The following SLC24A3 variants were observed in gnomAD, a reference collection of about 807,000 sequenced individuals.
SLC24A3 encodes solute carrier family 24 member 3, also known as sodium/potassium/calcium exchanger 3.
A neutral mutation model predicts 75.8 loss-of-function variants in SLC24A3; 28 were observed. The observed-to-expected ratio is 0.37, with a 90% CI of 0.27 to 0.51. SLC24A3 has a LOEUF of 0.51. Among genes scored for constraint, SLC24A3 ranks in the 20% least tolerant of loss-of-function variants. SLC24A3 has a pLI of 0.94. For synonymous variants in SLC24A3, 372 were observed against 334.1 expected (o/e 1.11, Z -1.24); for missense variants, 663 against 847.8 (o/e 0.78, Z 2.71).
chr20:19,537,212 C>G (rs991669717), intron 3 of SLC24A3, among the ~76,000 whole-genome samples: 1 of 150,636 alleles, frequency 6.6e-6, no homozygotes, highest in South Asian at 2.1e-4. Context: ...AAAAAGTGGG[C>G]GAAGGATATG....
At chr20:19,491,246 G>C (rs1988205249) in intron 2 of SLC24A3, among the ~76,000 whole-genome samples, 2 of 152,152 alleles carry the variant, frequency 1.3e-5, no homozygotes, top group Non-Finnish European at 2.9e-5. Flanking sequence ...ACCCCTCCCT[G>C]TCCTCTGAAT....
chr20:19,318,570 T>C (rs1324674543), intron 2 of SLC24A3, among the ~76,000 whole-genome samples: 1 of 152,158 alleles, frequency 6.6e-6, no homozygotes, highest in African/African-American at 2.4e-5. Flanking sequence ...TTACCAGATA[T>C]GAAATCAAGA....
At chr20:19,292,947 A>G (rs531817621) in intron 2 of SLC24A3, among the ~76,000 whole-genome samples, 2 of 152,160 alleles carry the variant, frequency 1.3e-5, no homozygotes, top group Non-Finnish European at 2.9e-5. Flanking sequence ...AGTCTCTTTT[A>G]TAGATTTAGT....
chr20:19,687,009 C>T (rs537996323), intron 12 of SLC24A3, among the ~76,000 whole-genome samples: 1 of 152,222 alleles, frequency 6.6e-6, no homozygotes, highest in African/African-American at 2.4e-5. Context: ...GTAAACCCTT[C>T]CATTCATTTT....
At chr20:19,633,008 G>A (rs1335291498) in intron 6 of SLC24A3, among the ~76,000 whole-genome samples, 1 of 152,158 alleles carries the variant, frequency 6.6e-6, no homozygotes, top group Non-Finnish European at 1.5e-5. Context: ...TAAAATGCAT[G>A]TAAGCATGGA....
At chr20:19,563,164 G>A (rs947835151) in intron 3 of SLC24A3, among the ~76,000 whole-genome samples, 5 of 152,272 alleles carry the variant, frequency 3.3e-5, no homozygotes, top group South Asian at 2.1e-4. Context: ...CCCTCTACCT[G>A]AAGGATCTTT....
chr20:19,325,477 A>G (rs1984817586), intron 2 of SLC24A3, among the ~76,000 whole-genome samples: 1 of 151,330 alleles, frequency 6.6e-6, no homozygotes, highest in East Asian at 2.0e-4. Context: ...AAGAAAGGGA[A>G]TCCAGACCAC....
At chr20:19,533,273 TTCTC>T (rs1367769175) in intron 3 of SLC24A3, among the ~76,000 whole-genome samples, 1 of 152,156 alleles carries the variant, frequency 6.6e-6, no homozygotes, top group Non-Finnish European at 1.5e-5. Flanking sequence ...TCCAGGTGGC[TTCTC>T]TCTCTAACAG....
At chr20:19,292,478 G>A (rs1337017120) in intron 2 of SLC24A3, among the ~76,000 whole-genome samples, 1 of 152,230 alleles carries the variant, frequency 6.6e-6, no homozygotes, top group Non-Finnish European at 1.5e-5. Flanking sequence ...CACATGAACA[G>A]CCTGTCAGTA....
intron 2 of SLC24A3, among the ~76,000 whole-genome samples, chr20:19,451,378 T>C (rs1318860092): frequency 6.6e-6 from 1 of 152,174 alleles, no homozygotes; most frequent in Non-Finnish European, 1.5e-5. Flanking sequence ...TCTGTAACAG[T>C]CCTTGGCCCC....
intron 7 of SLC24A3, among the ~76,000 whole-genome samples, chr20:19,661,889 T>C (rs1048011478): frequency 7.9e-5 from 12 of 152,130 alleles, no homozygotes; most frequent in African/African-American, 2.7e-4. Context: ...TGTTCTGATA[T>C]CCAGGGATTC....
chr20:19,720,937 C>T, intron 16 of SLC24A3, 54 bp from the exon 17 acceptor site: 3 of 1,602,570 alleles, frequency 1.9e-6, no homozygotes, highest in Non-Finnish European at 2.6e-6. Context: ...TACCAACCCC[C>T]CAAAGGCTGC....
intron 2 of SLC24A3, among the ~76,000 whole-genome samples, chr20:19,296,330 T>G (rs1984060239): frequency 6.8e-6 from 1 of 147,384 alleles, no homozygotes; most frequent in African/African-American, 2.5e-5. Context: ...TTGAAGGGTT[T>G]CTCATGTCTC....
At chr20:19,623,668 T>TG (rs1423005729) in intron 6 of SLC24A3, among the ~76,000 whole-genome samples, 1 of 152,236 alleles carries the variant, frequency 6.6e-6, no homozygotes, top group African/African-American at 2.4e-5. Context: ...GCTACCATAT[T>TG]GGACAGCACA....
intron 15 of SLC24A3, among the ~76,000 whole-genome samples, chr20:19,708,683 C>G (rs1055455674): frequency 1.3e-5 from 2 of 152,178 alleles, no homozygotes; most frequent in East Asian, 3.9e-4. Context: ...GCTAGGGTCT[C>G]CTACAAACTA....
chr20:19,374,815 G>C (rs1347761535), intron 2 of SLC24A3, among the ~76,000 whole-genome samples: 1 of 152,156 alleles, frequency 6.6e-6, no homozygotes, highest in African/African-American at 2.4e-5. Flanking sequence ...TTTTGTCAAA[G>C]GCCTCTCTCT....
chr20:19,301,620 A>G (rs1984199008), intron 2 of SLC24A3, among the ~76,000 whole-genome samples: 1 of 152,178 alleles, frequency 6.6e-6, no homozygotes. Flanking sequence ...CTTGAATTCT[A>G]TAAAGTAAGT....
At chr20:19,401,437 T>A in intron 2 of SLC24A3, among the ~76,000 whole-genome samples, 1 of 152,236 alleles carries the variant, frequency 6.6e-6, no homozygotes, top group East Asian at 1.9e-4. Context: ...CACTCAGATA[T>A]GTATTGGAAA....
At chr20:19,612,607 A>AGTGTGTGTGTGTGTGTGTGTGT (rs71198018) in intron 6 of SLC24A3, among the ~76,000 whole-genome samples, 14 of 146,832 alleles carry the variant, frequency 9.5e-5, no homozygotes, top group African/African-American at 2.8e-4. Context: ...CCTTAAGAAA[A>AGTGTGTGTGTGTGTGTGTGTGT]GTGTGTGTGT....
Sources: gnomAD v4.1 joint callset for allele counts (sites outside exome capture counted in the v4.1 genomes callset) on GRCh38, gnomAD v4.1.1 for gene constraint, MANE v1.5 for transcripts, NCBI Gene and HGNC (gene_info 2026-07-23, HGNC 2026-07-21) for gene names.